HPGDS: variants seen among roughly 807,000 people sequenced by gnomAD.
HPGDS encodes GST class-sigma.
HPGDS carries 26 observed loss-of-function variants against 23.1 expected under a neutral mutation model. That is an observed-to-expected ratio of 1.13 (90% CI 0.83 to 1.56). HPGDS has a LOEUF of 1.56. HPGDS is among the 40% of genes most tolerant of loss of function. The probability of loss-of-function intolerance (pLI) is 0.00; values close to 1 mark genes in which losing one functional copy is unlikely to be tolerated. For missense variants in HPGDS, 268 were observed against 236.4 expected (o/e 1.13, Z -0.88); for synonymous variants, 95 against 77.9 (o/e 1.22, Z -1.16).
chr4:94,308,277 G>A (rs1202013283), intron 4 of HPGDS, among the ~76,000 whole-genome samples: 1 of 151,958 alleles, frequency 6.6e-6, no homozygotes, highest in Non-Finnish European at 1.5e-5. Flanking sequence ...GGGGCATTTT[G>A]GACTTCAGAC....
At position 94,325,092 on chromosome 4, in the gene HPGDS, CTGCAGAACAGCAAATAT is replaced by C. The variant is rs1237126265; in HGVS notation, c.134-7144_134-7128del. ...TTTGCCATTATATCACCAGCGGAGG[CTGCAGAACAGCAAATAT>C]TGCAGAACAGCAAATACTGCTGCCT... On this transcript the variant is annotated intron_variant, in intron 2 of 5. Transcript: ENST00000295256. 1.5e-4 allele frequency among the ~76,000 whole-genome samples: 23 copies of C among 152,340 alleles called. 1 individual carries two copies. In the South Asian group the frequency reaches 2.9e-3, roughly 19 times the overall value.
intron 5 of HPGDS, 48 bp downstream of exon 5, chr4:94,302,098 T>C (rs1490132914): frequency 7.2e-7 from 1 of 1,381,104 alleles, no homozygotes; most frequent in South Asian, 1.2e-5. Flanking sequence ...CTTCTATTGG[T>C]TTGTCCTTTT....
intron 3 of HPGDS, among the ~76,000 whole-genome samples, chr4:94,316,936 C>T (rs755435203): frequency 6.6e-6 from 1 of 152,260 alleles, no homozygotes; most frequent in Admixed American, 6.5e-5. Flanking sequence ...GTCATTTTCA[C>T]TTTAAAGCCT....
intron 2 of HPGDS, among the ~76,000 whole-genome samples, chr4:94,332,528 A>C (rs927959995): frequency 2.0e-5 from 3 of 152,204 alleles, no homozygotes; most frequent in African/African-American, 7.2e-5. Flanking sequence ...CAGGCACCCC[A>C]ACCTGGGTGC....
intron 3 of HPGDS, among the ~76,000 whole-genome samples, chr4:94,309,050 CTTTTTTTTT>C (rs34427506): frequency 2.9e-4 from 9 of 31,028 alleles, no homozygotes; most frequent in East Asian, 1.1e-3. Flanking sequence ...GGTGTACTTG[CTTTTTTTTT>C]TTTTTTTTTT....
At chr4:94,333,309 TGTA>T (rs1187476052) in intron 2 of HPGDS, among the ~76,000 whole-genome samples, 3 of 152,212 alleles carry the variant, frequency 2.0e-5, no homozygotes, top group African/African-American at 7.2e-5. Flanking sequence ...CAATTTTCCT[TGTA>T]GTAATATGTG....
Position 94,299,420 on chromosome 4 carries a change from G to C in HPGDS, c.*60C>G. Reference sequence around the variant, plus strand: ...GATTATCTGGCAGGCTGATGTAGCTGTCTTATCTGATGAGAGAGATGCCCC... The same window carrying C: ...GATTATCTGGCAGGCTGATGTAGCTCTCTTATCTGATGAGAGAGATGCCCC... On this transcript the variant is annotated 3_prime_UTR_variant, in exon 6 of 6. Coordinates refer to ENST00000295256, the MANE Select transcript of HPGDS (RefSeq NM_014485.3). The C allele has an allele frequency of 2.7e-6, 4 of 1,469,802 alleles. No individual in the cohort carries two copies. The highest frequency in any genetic ancestry group is 3.7e-6 in the Non-Finnish European group (4 of 1,083,804). 91.0% of individuals were successfully genotyped at this position (1,469,802 alleles called of 1,614,324 possible).
chr4:94,334,676 C>G, intron 1 of HPGDS, 38 bp from the exon 2 acceptor site: 1 of 1,557,648 alleles, frequency 6.4e-7, no homozygotes, highest in African/African-American at 1.4e-5. Flanking sequence ...TTTAAGAGCC[C>G]TCTAGAGATG....
chr4:94,302,355 A>G, intron 4 of HPGDS, 111 bp from the exon 5 acceptor site: 2 of 735,796 alleles, frequency 2.7e-6, no homozygotes, highest in Non-Finnish European at 4.6e-6. Flanking sequence ...TCAAGAAGAA[A>G]GAGAAGTAGC....
At chr4:94,340,650 C>CTTTT (rs35678433) in intron 1 of HPGDS, among the ~76,000 whole-genome samples, 1 of 22,462 alleles carries the variant, frequency 4.5e-5, no homozygotes, top group African/African-American at 3.3e-4. Context: ...GCCCCCCTCC[C>CTTTT]TTTTTTTTTT....
rs539888186 is a variant in HPGDS at position 94,301,637 on chromosome 4, A to T, written c.435+509T>A. On this transcript the variant is annotated intron_variant, in intron 5 of 5. Transcript: ENST00000295256. ...ACATTGAAGATCCTGGTTCTCAGTGACATCAACACAATTTATTTTTGTACC... is the reference window on the plus strand; with the variant it reads ...ACATTGAAGATCCTGGTTCTCAGTGTCATCAACACAATTTATTTTTGTACC... Among the ~76,000 whole-genome samples the T allele has an allele frequency of 2.6e-5, 4 of 152,304 alleles. No individual in the cohort carries two copies. In the South Asian group the frequency reaches 8.3e-4, roughly 32 times the overall value.
chr4:94,317,806 G>T, intron 3 of HPGDS, 67 bp downstream of exon 3: 1 of 883,632 alleles, frequency 1.1e-6, no homozygotes, highest in South Asian at 1.5e-5. Flanking sequence ...GTCATTTAAT[G>T]AATATTGAAT....
At position 94,315,984 on chromosome 4, in the gene HPGDS, C is replaced by T. The variant is rs77384887; in HGVS notation, c.226+1889G>A. ...ACTCTTTTGGCCCCTGAACATTCTTCCACAAATCCTCAAATGCAGTCATCA... is the reference window on the plus strand; with the variant it reads ...ACTCTTTTGGCCCCTGAACATTCTTTCACAAATCCTCAAATGCAGTCATCA... On this transcript the variant is annotated intron_variant, in intron 3 of 5. Coordinates refer to ENST00000295256, the MANE Select transcript of HPGDS (RefSeq NM_014485.3). Among the ~76,000 whole-genome samples the T allele has an allele frequency of 8.5e-3, 1,295 of 152,248 alleles. 8 individuals are homozygous for T. The highest frequency in any genetic ancestry group is 0.054 in the Middle Eastern group (16 of 294).
intron 2 of HPGDS, among the ~76,000 whole-genome samples, chr4:94,331,097 G>A (rs527723439): frequency 6.6e-6 from 1 of 152,324 alleles, no homozygotes; most frequent in African/African-American, 2.4e-5. Flanking sequence ...GTATATGAGT[G>A]GTTGAAGTGT....
At chr4:94,315,697 G>A (rs1435634018) in intron 3 of HPGDS, among the ~76,000 whole-genome samples, 1 of 152,204 alleles carries the variant, frequency 6.6e-6, no homozygotes, top group South Asian at 2.1e-4. Context: ...CCTCAATAAA[G>A]GTGTTAAAAT....
intron 3 of HPGDS, among the ~76,000 whole-genome samples, chr4:94,309,087 G>GGATTCATT (rs1476090059): frequency 7.8e-6 from 1 of 128,644 alleles, no homozygotes; most frequent in Non-Finnish European, 1.6e-5. Flanking sequence ...GGCTACATAG[G>GGATTCATT]GATTCATTGA....
intron 3 of HPGDS, among the ~76,000 whole-genome samples, chr4:94,317,186 T>C (rs1257913951): frequency 6.6e-6 from 1 of 152,054 alleles, no homozygotes; most frequent in Non-Finnish European, 1.5e-5. Context: ...ATTCTACAGA[T>C]TGATTGAAAG....
chr4:94,340,029 G>A (rs1169413576), intron 1 of HPGDS, among the ~76,000 whole-genome samples: 1 of 152,158 alleles, frequency 6.6e-6, no homozygotes, highest in Non-Finnish European at 1.5e-5. Context: ...TGGGCTCACT[G>A]AAATCTCCGC....
chr4:94,341,384 C>A (rs185479159), intron 1 of HPGDS, among the ~76,000 whole-genome samples: 85 of 152,226 alleles, frequency 5.6e-4, no homozygotes, highest in Middle Eastern at 3.4e-3. Flanking sequence ...AGAAAGATGA[C>A]AACAATCCAA....
Sources: gnomAD v4.1 joint callset for allele counts (sites outside exome capture counted in the v4.1 genomes callset) on GRCh38, gnomAD v4.1.1 for gene constraint, MANE v1.5 for transcripts, NCBI Gene and HGNC (gene_info 2026-07-23, HGNC 2026-07-21) for gene names.